Variants in AAGAB observed in about 807,000 individuals in gnomAD.
AAGAB encodes the protein alpha and gamma adaptin binding protein, also known as alpha- and gamma-adaptin-binding protein p34.
A neutral mutation model predicts 44.1 loss-of-function variants in AAGAB; 38 were observed. The observed-to-expected ratio is 0.86, with a 90% CI of 0.67 to 1.13. The LOEUF is 1.13. AAGAB is among the 50% of genes most tolerant of loss of function. The pLI is 0.00. For synonymous variants in AAGAB, 131 were observed against 131.8 expected, an observed-to-expected ratio of 0.99 and a Z score of 0.04; for missense variants, 450 against 373.8, an observed-to-expected ratio of 1.20 and a Z score of -1.68.
At position 67,202,472 on chromosome 15, in the gene AAGAB, A is replaced by G. The variant is rs1963589209; in HGVS notation, c.*349T>C. 1.4e-5 allele frequency: 3 copies of G among 220,920 alleles called. No individual in the cohort carries two copies. 13.7% of individuals were successfully genotyped at this position (220,920 alleles called of 1,614,324 possible). The stretch of plus-strand genomic sequence containing the variant: ...GCAGTATCAAGTGTGAATGCTGGAA[A>G]TGCTACTTAAAAGGTTGACCAGGAA... On this transcript the variant is annotated 3_prime_UTR_variant, in exon 10 of 10. Coordinates refer to ENST00000261880, the MANE Select transcript of AAGAB (RefSeq NM_024666.5).
chr15:67,250,323 C>T (rs1470129576), intron 1 of AAGAB, among the ~76,000 whole-genome samples: 1 of 152,058 alleles, frequency 6.6e-6, no homozygotes, highest in Non-Finnish European at 1.5e-5. Context: ...ATTATAGGCA[C>T]GCACCACCGT....
intron 7 of AAGAB, among the ~76,000 whole-genome samples, chr15:67,205,357 G>A (rs187899719): frequency 2.1e-3 from 314 of 152,328 alleles, no homozygotes; most frequent in Non-Finnish European, 2.9e-3. Flanking sequence ...ATGTCATGTA[G>A]GAAGTTGGTA....
chr15:67,224,817 C>T (rs949304017), intron 5 of AAGAB, among the ~76,000 whole-genome samples: 13 of 152,050 alleles, frequency 8.5e-5, no homozygotes, highest in African/African-American at 2.7e-4. Context: ...CTGGCCTCTA[C>T]TGATCTGCCC....
At chr15:67,243,451 T>C (rs1348666817) in intron 1 of AAGAB, among the ~76,000 whole-genome samples, 1 of 152,192 alleles carries the variant, frequency 6.6e-6, no homozygotes, top group East Asian at 1.9e-4. Flanking sequence ...TGGTTCTCTA[T>C]GGGGATGTGA....
chr15:67,228,875 A>G (rs375320473), intron 5 of AAGAB, among the ~76,000 whole-genome samples: 1 of 152,144 alleles, frequency 6.6e-6, no homozygotes, highest in Non-Finnish European at 1.5e-5. Flanking sequence ...AAAAGCAGCA[A>G]CAACAAAAAA....
At position 67,229,432 on chromosome 15, in the gene AAGAB, T is replaced by TAAAA. The variant is rs756230077; in HGVS notation, c.535+2378_535+2381dup. 9.0e-4 allele frequency among the ~76,000 whole-genome samples: 90 copies of TAAAA among 99,706 alleles called. 1 individual carries two copies. Among genetic ancestry groups the TAAAA allele is most frequent in the Admixed American group, 1.8e-3 (16 of 8,756 alleles). The allele number at this position is 99,706 out of a possible 152,430, so 65.4% of individuals were successfully genotyped here. On this transcript the variant is annotated intron_variant, in intron 5 of 9. Transcript: ENST00000261880. ...TGGGCAACAGAGCGAGAGTCCGTCT[T>TAAAA]AAAAAAAAAAAAAAAAGAGTTGGAG...
intron 1 of AAGAB, among the ~76,000 whole-genome samples, chr15:67,249,059 G>A (rs577664779): frequency 1.4e-4 from 21 of 151,428 alleles, no homozygotes; most frequent in East Asian, 5.8e-4. Flanking sequence ...TTTTAAGACC[G>A]GGTCTCACTC....
At chr15:67,231,452 C>T (rs1362675505) in intron 5 of AAGAB, among the ~76,000 whole-genome samples, 1 of 152,180 alleles carries the variant, frequency 6.6e-6, no homozygotes, top group Non-Finnish European at 1.5e-5. Context: ...GTCATCTGTA[C>T]TCATCACAGA....
In AAGAB at chr15:67,254,387, A is replaced by G. The variant is rs1277166581; in HGVS notation, c.73+172T>C. 8.6e-6 allele frequency: 12 copies of G among 1,401,112 alleles called. No individual in the cohort carries two copies. The Admixed American group carries it at 3.2e-4, about 38-fold the overall frequency. The allele number at this position is 1,401,112 out of a possible 1,614,324, so 86.8% of individuals were successfully genotyped here. On this transcript the variant is annotated intron_variant, in intron 1 of 9. Transcript: ENST00000261880. ...AAGAAGGCCGAGTGGGCAGAAAAGCACGAGATTAAGAGATAGGGGCAGCCA... is the reference window on the plus strand; with the variant it reads ...AAGAAGGCCGAGTGGGCAGAAAAGCGCGAGATTAAGAGATAGGGGCAGCCA...
At chr15:67,213,077 GGGATGCA>G (rs1295522340) in intron 5 of AAGAB, among the ~76,000 whole-genome samples, 1 of 152,194 alleles carries the variant, frequency 6.6e-6, no homozygotes, top group Non-Finnish European at 1.5e-5. Context: ...TGGAACTTCA[GGGATGCA>G]GAAAGGGGCA....
chr15:67,222,282 A>ACACACACACACACCCC (rs796412643), intron 5 of AAGAB, among the ~76,000 whole-genome samples: 10 of 139,850 alleles, frequency 7.2e-5, no homozygotes, highest in East Asian at 2.3e-4. Flanking sequence ...ACACACACAC[A>ACACACACACACACCCC]CCCTCCACCC....
rs1213770121 is a variant in AAGAB at position 67,236,764 on chromosome 15, A to G, written c.130T>C (p.Phe44Leu). 6.2e-7 allele frequency: 1 copy of G among 1,612,450 alleles called. No individual in the cohort carries two copies. Among genetic ancestry groups the G allele is most frequent in the Non-Finnish European group, 8.5e-7 (1 of 1,179,450 alleles). The change falls in exon 2 of 10, where the codon TTT (phenylalanine) becomes CTT (leucine). Residue 44 changes from phenylalanine (F) to leucine (L), a missense_variant. Phe to Leu is a conservative substitution (Grantham distance 22, BLOSUM62 0). Transcript: ENST00000261880. ...TTATTATCAATGGTCCAGGGATAAA[A>G]TCTCACAGCATCATTGGAAGTCACT... ...VEVTSNDAVR[F>L]YPWTIDNKYY...
chr15:67,212,729 C>T (rs1443265738), intron 5 of AAGAB, among the ~76,000 whole-genome samples: 1 of 152,176 alleles, frequency 6.6e-6, no homozygotes, highest in East Asian at 1.9e-4. Flanking sequence ...AGACTGCTCG[C>T]ATATTAACAT....
At chr15:67,232,454 CAT>C (rs1217970280) in intron 4 of AAGAB, 2 of 238,468 alleles carry the variant, frequency 8.4e-6, no homozygotes, top group African/African-American at 4.6e-5. Context: ...TCATGAATGA[CAT>C]GGTAACTATC....
intron 5 of AAGAB, among the ~76,000 whole-genome samples, chr15:67,214,441 C>T (rs11855544): frequency 0.45 from 68,540 of 151,946 alleles, 15,925 homozygotes; most frequent in Non-Finnish European, 0.52. Flanking sequence ...GTATTATTGA[C>T]ATTTCCAGCT....
rs572050546 is a variant in AAGAB at position 67,247,703 on chromosome 15, G to A, written c.73+6856C>T. Among the ~76,000 whole-genome samples the A allele has an allele frequency of 1.1e-4, 16 of 152,096 alleles. 1 individual carries two copies. The South Asian group carries it at 2.5e-3, about 24-fold the overall frequency. ...ATCTAAAAGACTAGTCTAAAACTTCGCACGAAAAGTCAAATTCTCTACTCT... is the reference window on the plus strand; with the variant it reads ...ATCTAAAAGACTAGTCTAAAACTTCACACGAAAAGTCAAATTCTCTACTCT... On this transcript the variant is annotated intron_variant, in intron 1 of 9. Transcript: ENST00000261880.
At chr15:67,250,754 C>T (rs903883621) in intron 1 of AAGAB, among the ~76,000 whole-genome samples, 11 of 152,058 alleles carry the variant, frequency 7.2e-5, no homozygotes, top group Non-Finnish European at 1.3e-4. Context: ...TCGCCGGGTG[C>T]GGTGGCTCAT....
At chr15:67,223,036 A>C (rs560584615) in intron 5 of AAGAB, among the ~76,000 whole-genome samples, 2 of 152,250 alleles carry the variant, frequency 1.3e-5, no homozygotes, top group East Asian at 3.9e-4. Flanking sequence ...AACACTCTTC[A>C]CTTTTGCTTC....
Position 67,222,242 on chromosome 15 carries a change from G to GTGCACACACA in AAGAB, c.535+9571_535+9572insTGTGTGTGCA, listed in dbSNP as rs1555417888. On this transcript the variant is annotated intron_variant, in intron 5 of 9. Coordinates refer to ENST00000261880, the MANE Select transcript of AAGAB (RefSeq NM_024666.5). ...TGCATGCACGCGCACGCGCGCGCGC[G>GTGCACACACA]CACACACACACACACACACACACAC... Among the ~76,000 whole-genome samples, 35 of 90,044 alleles carry GTGCACACACA rather than the reference G, an allele frequency of 3.9e-4. 1 individual carries two copies. Among genetic ancestry groups the GTGCACACACA allele is most frequent in the African/African-American group, 1.1e-4 (3 of 26,582 alleles). The allele number at this position is 90,044 out of a possible 152,430, so 59.1% of individuals were successfully genotyped here.
Sources: allele counts gnomAD v4.1 joint callset (sites outside exome capture counted in the v4.1 genomes callset), GRCh38; gene constraint gnomAD v4.1.1; transcripts MANE v1.5; gene names NCBI Gene and HGNC (gene_info 2026-07-23, HGNC 2026-07-21).